The following FAM135B variants were observed in gnomAD, a reference collection of about 807,000 sequenced individuals.
The protein encoded by FAM135B is protein FAM135B.
In FAM135B, 43 loss-of-function variants were observed where a neutral mutation model predicts 127.7. That is an observed-to-expected ratio of 0.34 (90% CI 0.26 to 0.43). The LOEUF (loss-of-function observed/expected upper bound fraction) is 0.43. Ranked by LOEUF, FAM135B falls within the 20% of genes least tolerant of loss-of-function variation. The probability of loss-of-function intolerance (pLI) is 1.00; values close to 1 mark genes in which losing one functional copy is unlikely to be tolerated. For synonymous variants in FAM135B, 670 were observed against 665.1 expected (o/e 1.01, Z -0.11); for missense variants, 1,558 against 1,725.6 (o/e 0.90, Z 1.72).
chr8:138,386,216 CAAAAAAACAAAA>C (rs1351108435), intron 1 of FAM135B, among the ~76,000 whole-genome samples: 8 of 133,710 alleles, frequency 6.0e-5, no homozygotes, highest in South Asian at 4.7e-4. Flanking sequence ...AACTCCATCT[CAAAAAAACAAAA>C]AAAAAAACAA....
At chr8:138,159,389 T>A (rs1819128485) in intron 12 of FAM135B, among the ~76,000 whole-genome samples, 1 of 148,894 alleles carries the variant, frequency 6.7e-6, no homozygotes, top group African/African-American at 2.5e-5. Context: ...ATGAAGAAAA[T>A]GTGGCACATA....
chr8:138,183,922 A>G (rs1036106423), intron 9 of FAM135B, among the ~76,000 whole-genome samples: 1 of 152,248 alleles, frequency 6.6e-6, no homozygotes, highest in African/African-American at 2.4e-5. Flanking sequence ...GCCTCCAAAT[A>G]TAAATAGAAC....
At chr8:138,470,051 T>C (rs1438566152) in intron 1 of FAM135B, among the ~76,000 whole-genome samples, 5 of 152,078 alleles carry the variant, frequency 3.3e-5, no homozygotes, top group Non-Finnish European at 7.4e-5. Context: ...GGCTAGTGAA[T>C]GAGGTAATAA....
At chr8:138,254,455 A>G (rs2130521333) in intron 5 of FAM135B, among the ~76,000 whole-genome samples, 1 of 152,310 alleles carries the variant, frequency 6.6e-6, no homozygotes, top group Admixed American at 6.5e-5. Context: ...AATGTCTTGG[A>G]AGGAAGTGGA....
At chr8:138,143,642 C>T (rs1817407178) in intron 15 of FAM135B, among the ~76,000 whole-genome samples, 1 of 152,208 alleles carries the variant, frequency 6.6e-6, no homozygotes. Context: ...GAATGCCACA[C>T]ATGTCCTTGA....
At chr8:138,257,885 T>TA (rs201675673) in intron 4 of FAM135B, among the ~76,000 whole-genome samples, 22,619 of 85,696 alleles carry the variant, frequency 0.26, 1,850 homozygotes, top group African/African-American at 0.37. Flanking sequence ...AAATAAAAAA[T>TA]AAAAAAAAAA....
At position 138,152,389 on chromosome 8, in the gene FAM135B, C is replaced by A. The variant is rs191356902; in HGVS notation, c.2086G>T (p.Ala696Ser). The A allele has an allele frequency of 1.2e-6, 2 of 1,614,130 alleles. No individual in the cohort carries two copies. The highest frequency in any genetic ancestry group is 1.7e-6 in the Non-Finnish European group (2 of 1,180,036). Reference protein sequence around the residue: ...SGIESEPSSVAWSEARSRALE... With the variant: ...SGIESEPSSVSWSEARSRALE... Reference sequence around the variant, plus strand: ...GCCCTGCTTCGGGCCTCTGACCAGGCGACGGAGCTTGGCTCACTCTCAATG... The same window carrying A: ...GCCCTGCTTCGGGCCTCTGACCAGGAGACGGAGCTTGGCTCACTCTCAATG... Residue 696 changes from alanine to serine, a missense_variant, in exon 13 of 20, where the codon GCC (alanine) becomes TCC (serine). Around this residue, in one of 5 missense-constraint regions of FAM135B, gnomAD observed 923 missense variants for 865.3 expected, o/e 1.07. Coordinates refer to ENST00000395297, the MANE Select transcript of FAM135B (RefSeq NM_015912.4).
chr8:138,282,822 A>C (rs1354763776), intron 3 of FAM135B, among the ~76,000 whole-genome samples: 1 of 152,104 alleles, frequency 6.6e-6, no homozygotes, highest in Non-Finnish European at 1.5e-5. Flanking sequence ...CAGCAGTTGC[A>C]CTCCTTGGCA....
intron 2 of FAM135B, among the ~76,000 whole-genome samples, chr8:138,344,213 C>T (rs1463043086): frequency 2.0e-5 from 3 of 152,210 alleles, no homozygotes; most frequent in Non-Finnish European, 4.4e-5. Flanking sequence ...TAAGAAGTGT[C>T]AAGGGAGAAG....
intron 1 of FAM135B, among the ~76,000 whole-genome samples, chr8:138,411,135 A>T (rs1234288072): frequency 6.7e-6 from 1 of 149,642 alleles, no homozygotes; most frequent in Non-Finnish European, 1.5e-5. Context: ...ATTGGAAAAA[A>T]CTACTTTAAA....
At chr8:138,456,654 C>T (rs1210786698) in intron 1 of FAM135B, among the ~76,000 whole-genome samples, 1 of 152,140 alleles carries the variant, frequency 6.6e-6, no homozygotes, top group Non-Finnish European at 1.5e-5. Flanking sequence ...AAAAAACAAG[C>T]TCATTTTAAA....
At chr8:138,468,386 C>T (rs774575656) in intron 1 of FAM135B, among the ~76,000 whole-genome samples, 1 of 152,126 alleles carries the variant, frequency 6.6e-6, no homozygotes, top group Non-Finnish European at 1.5e-5. Flanking sequence ...TATCTATGGA[C>T]AGAAGAAAGC....
At chr8:138,201,061 A>T (rs1324938533) in intron 7 of FAM135B, among the ~76,000 whole-genome samples, 2 of 152,228 alleles carry the variant, frequency 1.3e-5, no homozygotes, top group Non-Finnish European at 1.5e-5. Context: ...TGACTGAGGC[A>T]TTCAAGTCCT....
intron 8 of FAM135B, among the ~76,000 whole-genome samples, chr8:138,197,101 GTGTGTGTGTGTGTGTGTATA>G (rs146502475): frequency 0.32 from 38,494 of 119,846 alleles, 5,471 homozygotes; most frequent in South Asian, 0.42. Context: ...GTGTGTGTGT[GTGTGTGTGTGTGTGTGTATA>G]TATATAGTTT....
intron 4 of FAM135B, among the ~76,000 whole-genome samples, chr8:138,258,569 A>G (rs1379109241): frequency 6.6e-6 from 1 of 152,180 alleles, no homozygotes; most frequent in Non-Finnish European, 1.5e-5. Flanking sequence ...ATGCCTGGGT[A>G]ATGAAAATTC....
chr8:138,293,934 T>C (rs945703444), intron 3 of FAM135B, among the ~76,000 whole-genome samples: 1 of 152,080 alleles, frequency 6.6e-6, no homozygotes, highest in Non-Finnish European at 1.5e-5. Context: ...TATTAAAAAA[T>C]GCACCTGCAT....
intron 1 of FAM135B, among the ~76,000 whole-genome samples, chr8:138,490,436 C>T (rs7827471): frequency 0.014 from 2,070 of 152,276 alleles, 43 homozygotes; most frequent in African/African-American, 0.047. Context: ...GAGCCTAGCC[C>T]TGGAGACATG....
intron 7 of FAM135B, among the ~76,000 whole-genome samples, chr8:138,201,522 C>G (rs1342465595): frequency 6.6e-6 from 1 of 152,104 alleles, no homozygotes. Flanking sequence ...AGCAGCACGA[C>G]TTTTTGAAGC....
intron 3 of FAM135B, among the ~76,000 whole-genome samples, chr8:138,295,168 G>A (rs958412993): frequency 4.7e-5 from 6 of 126,408 alleles, no homozygotes; most frequent in Non-Finnish European, 9.3e-5. Context: ...CAATGCACAA[G>A]CACAGGAAGG....
Sources: allele counts gnomAD v4.1 joint callset (sites outside exome capture counted in the v4.1 genomes callset), GRCh38; gene constraint gnomAD v4.1.1; regional missense constraint gnomAD v4.1.1; transcripts MANE v1.5; gene names NCBI Gene and HGNC (gene_info 2026-07-23, HGNC 2026-07-21).